The following LRRTM4 variants were observed in gnomAD, a reference collection of about 807,000 sequenced individuals.
The protein encoded by LRRTM4 is leucine rich repeat transmembrane neuronal 4, also known as leucine-rich repeat transmembrane neuronal protein 4.
In LRRTM4, 25 loss-of-function variants were observed where a neutral mutation model predicts 47.6. That is an observed-to-expected ratio of 0.53 (90% CI 0.38 to 0.73). LRRTM4 has a LOEUF of 0.73. LRRTM4 is among the 30% of genes least tolerant of loss of function. The pLI, the probability that LRRTM4 is intolerant of heterozygous loss-of-function variation, is 0.00. For synonymous variants in LRRTM4, 311 were observed against 269.5 expected (o/e 1.15, Z -1.51); for missense variants, 638 against 713.4 (o/e 0.89, Z 1.20).
At chr2:76,834,303 G>A (rs758536845) in intron 3 of LRRTM4, among the ~76,000 whole-genome samples, 6 of 150,886 alleles carry the variant, frequency 4.0e-5, no homozygotes, top group Non-Finnish European at 5.9e-5. Context: ...TGCCTGCCTC[G>A]TCCTCCCAAA....
chr2:76,770,020 G>A (rs938296218), intron 3 of LRRTM4, among the ~76,000 whole-genome samples: 12 of 152,288 alleles, frequency 7.9e-5, no homozygotes, highest in African/African-American at 2.6e-4. Context: ...GTTTGAGCAG[G>A]CCTGACATTA....
intron 3 of LRRTM4, among the ~76,000 whole-genome samples, chr2:77,281,914 T>TA (rs375020519): frequency 1.2e-4 from 18 of 151,800 alleles, no homozygotes; most frequent in East Asian, 5.8e-4. Context: ...GTGACAAATG[T>TA]AAAAAAAATC....
intron 3 of LRRTM4, among the ~76,000 whole-genome samples, chr2:76,774,001 C>T (rs533176123): frequency 8.6e-5 from 13 of 151,806 alleles, no homozygotes; most frequent in African/African-American, 7.2e-5. Context: ...GAACAATGTG[C>T]GGATGAAAGA....
rs555224111 is a variant in LRRTM4, at chr2:76,781,214, G to A, written c.1552-32298C>T. Among the ~76,000 whole-genome samples the A allele has an allele frequency of 5.6e-4, 86 of 152,362 alleles. No homozygotes were observed. In the South Asian group the frequency reaches 0.017, roughly 31 times the overall value. On this transcript the variant is annotated intron_variant, in intron 3 of 3. Coordinates refer to ENST00000409884, the MANE Select transcript of LRRTM4 (RefSeq NM_001134745.3). ...GTTACTGCTGTCTTTTTGTTTGTCT[G>A]TGCCCTGCCCCCAGAGGTGGAGCCT... is the stretch of plus-strand genomic sequence containing the variant.
intron 3 of LRRTM4, among the ~76,000 whole-genome samples, chr2:77,092,311 C>G (rs1670672989): frequency 6.6e-6 from 1 of 151,758 alleles, no homozygotes; most frequent in Admixed American, 6.6e-5. Context: ...CCCCATTTCC[C>G]CAAATTTCCT....
chr2:76,826,164 T>C (rs571797121), intron 3 of LRRTM4, among the ~76,000 whole-genome samples: 2 of 151,902 alleles, frequency 1.3e-5, no homozygotes, highest in Admixed American at 6.6e-5. Context: ...TCATGGTAAC[T>C]GTGCAGAAAC....
At chr2:77,159,903 T>G (rs1020279465) in intron 3 of LRRTM4, among the ~76,000 whole-genome samples, 9 of 152,246 alleles carry the variant, frequency 5.9e-5, no homozygotes, top group Admixed American at 2.0e-4. Flanking sequence ...TCCATCTGAT[T>G]GTGACAGAAT....
chr2:76,797,441 G>A (rs191672683), intron 3 of LRRTM4, among the ~76,000 whole-genome samples: 2,223 of 152,092 alleles, frequency 0.015, 52 homozygotes, highest in African/African-American at 0.049. Flanking sequence ...CACCAGGCCT[G>A]CCCTAAAAGA....
intron 3 of LRRTM4, among the ~76,000 whole-genome samples, chr2:76,910,214 G>C (rs1674001474): frequency 6.6e-6 from 1 of 152,016 alleles, no homozygotes; most frequent in Non-Finnish European, 1.5e-5. Context: ...GATGAAATTG[G>C]AAATCATCAT....
chr2:76,896,586 C>T (rs1332444274), intron 3 of LRRTM4, among the ~76,000 whole-genome samples: 1 of 151,880 alleles, frequency 6.6e-6, no homozygotes, highest in Non-Finnish European at 1.5e-5. Flanking sequence ...TTCAAAGTTA[C>T]AGGCTACTTG....
At chr2:76,896,798 G>C (rs1036284443) in intron 3 of LRRTM4, among the ~76,000 whole-genome samples, 4 of 148,990 alleles carry the variant, frequency 2.7e-5, no homozygotes, top group Admixed American at 6.8e-5. Flanking sequence ...GTCTGCATGA[G>C]ATGTATATGA....
At chr2:76,831,758 A>G (rs1240598553) in intron 3 of LRRTM4, among the ~76,000 whole-genome samples, 1 of 152,090 alleles carries the variant, frequency 6.6e-6, no homozygotes, top group East Asian at 1.9e-4. Context: ...CTCTTATGGG[A>G]TCCTACTGTT....
chr2:77,169,500 T>G (rs1672985637), intron 3 of LRRTM4, among the ~76,000 whole-genome samples: 1 of 152,050 alleles, frequency 6.6e-6, no homozygotes, highest in Non-Finnish European at 1.5e-5. Flanking sequence ...GTATGAAGAG[T>G]TGGGTCTGTT....
intron 3 of LRRTM4, among the ~76,000 whole-genome samples, chr2:77,445,060 TC>T (rs1257217672): frequency 6.6e-6 from 1 of 151,682 alleles, no homozygotes; most frequent in African/African-American, 2.4e-5. Context: ...TTTTAGTCAC[TC>T]ATTTTTGTTG....
At chr2:77,149,916 T>C (rs1209297441) in intron 3 of LRRTM4, among the ~76,000 whole-genome samples, 1 of 152,170 alleles carries the variant, frequency 6.6e-6, no homozygotes, top group Non-Finnish European at 1.5e-5. Flanking sequence ...ATAGCTCACT[T>C]ACATACATTA....
intron 3 of LRRTM4, among the ~76,000 whole-genome samples, chr2:76,911,641 G>C (rs917277852): frequency 2.6e-5 from 4 of 152,016 alleles, no homozygotes; most frequent in Admixed American, 1.3e-4. Flanking sequence ...AGAAAAGAAA[G>C]AGCCAGAGAG....
chr2:76,897,818 G>C (rs1929457), intron 3 of LRRTM4, among the ~76,000 whole-genome samples: 22,093 of 152,004 alleles, frequency 0.15, 2,025 homozygotes, highest in Admixed American at 0.22. Flanking sequence ...TCCTTTCCTT[G>C]ATCCCCATCT....
chr2:77,357,730 T>A (rs1250451821), intron 3 of LRRTM4, among the ~76,000 whole-genome samples: 6 of 152,216 alleles, frequency 3.9e-5, no homozygotes, highest in African/African-American at 9.6e-5. Context: ...ATTAAATGAC[T>A]TTATATATTT....
chr2:77,368,912 C>A (rs538674586), intron 3 of LRRTM4, among the ~76,000 whole-genome samples: 3 of 151,800 alleles, frequency 2.0e-5, no homozygotes, highest in South Asian at 2.1e-4. Flanking sequence ...TCTTTAGGAA[C>A]CTCCATACTA....
Sources: gnomAD v4.1 joint callset for allele counts (sites outside exome capture counted in the v4.1 genomes callset) on GRCh38, gnomAD v4.1.1 for gene constraint, MANE v1.5 for transcripts, NCBI Gene and HGNC (gene_info 2026-07-23, HGNC 2026-07-21) for gene names.